Variants in ACBD6 observed in about 807,000 individuals in gnomAD.
ACBD6 encodes acyl-CoA-binding domain-containing protein 6.
ACBD6 carries 28 observed loss-of-function variants against 37.2 expected under a neutral mutation model. The observed-to-expected ratio is 0.75, with a 90% CI of 0.56 to 1.03. The LOEUF is 1.03. Among genes scored for constraint, ACBD6 ranks in the 50% least tolerant of loss-of-function variants. The probability of loss-of-function intolerance (pLI) is 0.00; values close to 1 mark genes in which losing one functional copy is unlikely to be tolerated. For synonymous variants in ACBD6, 113 were observed against 126.8 expected (o/e 0.89, Z 0.73); for missense variants, 340 against 337.4 (o/e 1.01, Z -0.06).
At chr1:180,432,123 C>T (rs1648836382) in intron 3 of ACBD6, among the ~76,000 whole-genome samples, 1 of 151,614 alleles carries the variant, frequency 6.6e-6, no homozygotes, top group East Asian at 1.9e-4. Flanking sequence ...ACAAGAATTG[C>T]TTCAGCCTGG....
At chr1:180,361,030 T>G (rs1321647671) in intron 6 of ACBD6, among the ~76,000 whole-genome samples, 1 of 152,006 alleles carries the variant, frequency 6.6e-6, no homozygotes, top group Admixed American at 6.6e-5. Context: ...GCTTTAAGAG[T>G]GTCTTGATGG....
downstream of ACBD6, among the ~76,000 whole-genome samples, chr1:180,283,771 T>C (rs571159277): frequency 6.6e-6 from 1 of 152,298 alleles, no homozygotes; most frequent in African/African-American, 2.4e-5. Context: ...GTATCCCTAA[T>C]CTGAAAACCA....
intron 6 of ACBD6, among the ~76,000 whole-genome samples, chr1:180,348,484 T>G (rs1198924843): frequency 1.3e-5 from 2 of 152,172 alleles, no homozygotes; most frequent in Non-Finnish European, 2.9e-5. Context: ...TTAAGAGTAT[T>G]AAGATCTAGA....
At chr1:180,352,423 A>G (rs566751630) in intron 6 of ACBD6, among the ~76,000 whole-genome samples, 39 of 152,126 alleles carry the variant, frequency 2.6e-4, no homozygotes, top group African/African-American at 8.9e-4. Context: ...CTCCTGACCT[A>G]AGGTGATCCA....
chr1:180,468,680 G>A lies in ACBD6; in HGVS notation c.384+23589C>T, dbSNP rs1650445431. ...TTCCATTATGAGTCTACAAGGTTCTGTTAATCTCGGTTCTGCCCTATTTCC... is the reference window on the plus strand; with the variant it reads ...TTCCATTATGAGTCTACAAGGTTCTATTAATCTCGGTTCTGCCCTATTTCC... On this transcript the variant is annotated intron_variant, in intron 3 of 7. Transcript: ENST00000367595. 2.6e-5 allele frequency among the ~76,000 whole-genome samples: 4 copies of A among 152,194 alleles called. No homozygotes were observed. In the South Asian group the frequency reaches 8.3e-4, roughly 32 times the overall value.
intron 6 of ACBD6, among the ~76,000 whole-genome samples, chr1:180,360,700 A>T (rs1652814469): frequency 6.6e-6 from 1 of 152,122 alleles, no homozygotes; most frequent in African/African-American, 2.4e-5. Context: ...TGACAAAAAA[A>T]TTATTAAAAT....
chr1:180,493,001 C>A (rs1174497796), intron 2 of ACBD6, among the ~76,000 whole-genome samples: 1 of 152,008 alleles, frequency 6.6e-6, no homozygotes, highest in Non-Finnish European at 1.5e-5. Flanking sequence ...GTAATCCCAG[C>A]ACTTTGGGAG....
chr1:180,420,190 C>T (rs1648296875), intron 4 of ACBD6, among the ~76,000 whole-genome samples: 1 of 152,158 alleles, frequency 6.6e-6, no homozygotes, highest in African/African-American at 2.4e-5. Flanking sequence ...TGTCTATTAG[C>T]TCTTTAATTT....
chr1:180,270,405 C>T (rs1160907441), exon 14 of ACBD6: 1 of 152,242 alleles, frequency 6.6e-6, no homozygotes, highest in Non-Finnish European at 1.5e-5. Flanking sequence ...GACTTTATTC[C>T]GTGTGTCCTC....
chr1:180,314,562 C>G, intron 7 of ACBD6, 130 bp downstream of exon 7: 1 of 765,804 alleles, frequency 1.3e-6, no homozygotes, highest in Non-Finnish European at 2.1e-6. Context: ...TTTTTTTGAA[C>G]AAAAAGTTAT....
At position 180,302,743 on chromosome 1, in the gene ACBD6, C is replaced by T. The variant is rs1365879275; in HGVS notation, c.694+11949G>A. Among the ~76,000 whole-genome samples the T allele has an allele frequency of 3.3e-5, 5 of 150,512 alleles. No individual in the cohort carries two copies. The East Asian group carries it at 9.7e-4, about 29-fold the overall frequency. ...TATCCAGGAATTGAACTCAGCTCTG[C>T]ACCAAGAGGACCTAATAGACATCTA... is the stretch of plus-strand genomic sequence containing the variant. On this transcript the variant is annotated intron_variant, in intron 7 of 7. Coordinates refer to ENST00000367595, the MANE Select transcript of ACBD6 (RefSeq NM_032360.4).
intron 5 of ACBD6, among the ~76,000 whole-genome samples, chr1:180,403,162 A>G (rs1647452141): frequency 1.3e-5 from 2 of 152,196 alleles, no homozygotes; most frequent in Admixed American, 1.3e-4. Flanking sequence ...AATAATATCA[A>G]AACGGTGGTT....
intron 9 of ACBD6, chr1:180,278,042 G>A (rs1240133782): frequency 6.6e-6 from 1 of 152,138 alleles, no homozygotes. Flanking sequence ...TACAGGAGGG[G>A]GCTCAAGGCT....
chr1:180,432,569 T>C (rs922546555), intron 3 of ACBD6, among the ~76,000 whole-genome samples: 2 of 152,076 alleles, frequency 1.3e-5, no homozygotes, highest in Non-Finnish European at 2.9e-5. Flanking sequence ...ACACACCTAT[T>C]GGAATGGCTA....
At chr1:180,347,589 A>C (rs1460695240) in intron 6 of ACBD6, among the ~76,000 whole-genome samples, 4 of 152,124 alleles carry the variant, frequency 2.6e-5, no homozygotes, top group Non-Finnish European at 5.9e-5. Flanking sequence ...GATCTTTTCA[A>C]ACTTAAAACG....
At chr1:180,317,663 A>T (rs1650868570) in intron 6 of ACBD6, among the ~76,000 whole-genome samples, 1 of 152,182 alleles carries the variant, frequency 6.6e-6, no homozygotes, top group Non-Finnish European at 1.5e-5. Context: ...ACATGGAGAG[A>T]GAATGAGGGT....
chr1:180,375,989 A>G (rs4483365), intron 6 of ACBD6, among the ~76,000 whole-genome samples: 125,204 of 152,120 alleles, frequency 0.82, 51,868 homozygotes, highest in Non-Finnish European at 0.88. Flanking sequence ...ACTGAGTCAC[A>G]AAAGGCCAAA....
intron 7 of ACBD6, among the ~76,000 whole-genome samples, chr1:180,302,401 T>G (rs986413965): frequency 1.3e-4 from 20 of 152,236 alleles, no homozygotes; most frequent in African/African-American, 4.1e-4. Flanking sequence ...TGGGTGCTCC[T>G]GTATTGGGTG....
At chr1:180,461,406 T>C (rs77389071) in intron 3 of ACBD6, among the ~76,000 whole-genome samples, 5,447 of 152,190 alleles carry the variant, frequency 0.036, 110 homozygotes, top group South Asian at 0.06. Context: ...AGACAGGAAA[T>C]GCAGAGAACC....
Sources: gnomAD v4.1 joint callset for allele counts (sites outside exome capture counted in the v4.1 genomes callset) on GRCh38, gnomAD v4.1.1 for gene constraint, MANE v1.5 for transcripts, NCBI Gene and HGNC (gene_info 2026-07-23, HGNC 2026-07-21) for gene names.